Variants in SLC9B1 observed in about 807,000 individuals in gnomAD.
SLC9B1 encodes solute carrier family 9 member B1.
Under a neutral mutation model 51.7 loss-of-function variants are expected in SLC9B1, and 32 were observed. That is an observed-to-expected ratio of 0.62 (90% CI 0.47 to 0.83). The LOEUF (loss-of-function observed/expected upper bound fraction) is 0.83. Among genes scored for constraint, SLC9B1 ranks in the 40% least tolerant of loss-of-function variants. The pLI is 0.00. For missense variants in SLC9B1, 406 were observed against 613.2 expected, an observed-to-expected ratio of 0.66 and a Z score of 3.57; for synonymous variants, 145 against 212.7, an observed-to-expected ratio of 0.68 and a Z score of 2.77.
intron 11 of SLC9B1, chr4:102,890,582 T>TTTA (rs1392208127): frequency 6.6e-6 from 1 of 152,134 alleles, no homozygotes; most frequent in Admixed American, 6.6e-5. Flanking sequence ...ACGACACACC[T>TTTA]GTAATCTCAG....
intron 7 of SLC9B1, among the ~76,000 whole-genome samples, chr4:102,926,525 G>A (rs1736186695): frequency 6.6e-6 from 1 of 152,184 alleles, no homozygotes; most frequent in Non-Finnish European, 1.5e-5. Flanking sequence ...AAATACCTAG[G>A]AATCCAACTT....
intron 3 of SLC9B1, among the ~76,000 whole-genome samples, chr4:102,974,911 T>C (rs1217516245): frequency 6.6e-6 from 1 of 152,230 alleles, no homozygotes; most frequent in East Asian, 1.9e-4. Context: ...TAATAGTAAA[T>C]CTAGTAATGT....
chr4:102,995,325 T>C (rs1157481460), intron 1 of SLC9B1, among the ~76,000 whole-genome samples: 2 of 152,176 alleles, frequency 1.3e-5, no homozygotes, highest in African/African-American at 2.4e-5. Flanking sequence ...GATCATATTA[T>C]AGAGATCAAG....
In SLC9B1 at chr4:102,919,896, C is replaced by T. The variant is rs377261547; in HGVS notation, c.830-8359G>A. The stretch of plus-strand genomic sequence containing the variant: ...CTGAGGCTTAAGTAGGTAAACAAAG[C>T]GGCTGGGAAGCTTGAACTGGGTGGA... On this transcript the variant is annotated intron_variant, in intron 7 of 11. Coordinates refer to ENST00000296422, the MANE Select transcript of SLC9B1 (RefSeq NM_139173.4). 5.9e-5 allele frequency among the ~76,000 whole-genome samples: 9 copies of T among 152,322 alleles called. No homozygotes were observed. The East Asian group carries it at 1.2e-3, about 20-fold the overall frequency.
At chr4:102,974,738 T>C (rs1199855296) in intron 3 of SLC9B1, among the ~76,000 whole-genome samples, 4 of 152,164 alleles carry the variant, frequency 2.6e-5, no homozygotes, top group African/African-American at 9.7e-5. Context: ...AACATATAAA[T>C]AACCACTATC....
chr4:103,010,846 G>T (rs1741052865), intron 1 of SLC9B1, among the ~76,000 whole-genome samples: 1 of 152,156 alleles, frequency 6.6e-6, no homozygotes, highest in South Asian at 2.1e-4. Flanking sequence ...TTGCATTGGG[G>T]ATTAAGTTTC....
intron 1 of SLC9B1, among the ~76,000 whole-genome samples, chr4:102,995,794 A>T (rs1740184061): frequency 1.3e-5 from 2 of 152,270 alleles, no homozygotes; most frequent in African/African-American, 4.8e-5. Flanking sequence ...TCCTTATCTG[A>T]AAAAATATAT....
At chr4:103,017,860 T>C (rs1741470154) in intron 1 of SLC9B1, among the ~76,000 whole-genome samples, 1 of 152,216 alleles carries the variant, frequency 6.6e-6, no homozygotes, top group African/African-American at 2.4e-5. Flanking sequence ...AAACAACGCC[T>C]GACAAAGTAG....
At chr4:102,975,580 A>ATTTTTTTTTT (rs1739017034) in intron 3 of SLC9B1, among the ~76,000 whole-genome samples, 1 of 83,480 alleles carries the variant, frequency 1.2e-5, no homozygotes, top group African/African-American at 5.4e-5. Context: ...ATATATATAT[A>ATTTTTTTTTT]TATATATTTT....
At chr4:103,015,841 G>A (rs998664645) in intron 1 of SLC9B1, among the ~76,000 whole-genome samples, 15 of 151,886 alleles carry the variant, frequency 9.9e-5, no homozygotes, top group African/African-American at 3.6e-4. Context: ...GAAATTATAC[G>A]TTCATGTGGT....
intron 1 of SLC9B1, among the ~76,000 whole-genome samples, chr4:103,001,504 T>C (rs965891294): frequency 6.6e-6 from 1 of 152,214 alleles, no homozygotes; most frequent in Admixed American, 6.5e-5. Flanking sequence ...TCCACAGACC[T>C]CTAGGGCAGG....
At chr4:102,962,451 A>G (rs113295653) in intron 3 of SLC9B1, 59,023 of 513,542 alleles carry the variant, frequency 0.11, 3,683 homozygotes, top group Admixed American at 0.16. Flanking sequence ...TAGAAAATAC[A>G]GAGCATTTTT....
chr4:102,905,233 A>ATTTATTTATTTATTTG (rs569004930), intron 11 of SLC9B1, among the ~76,000 whole-genome samples: 26 of 149,584 alleles, frequency 1.7e-4, no homozygotes, highest in African/African-American at 5.8e-4. Context: ...TTATTTATTT[A>ATTTATTTATTTATTTG]TTTTTTTGAG....
intron 7 of SLC9B1, among the ~76,000 whole-genome samples, chr4:102,912,324 T>C (rs1447164955): frequency 2.0e-5 from 3 of 152,026 alleles, no homozygotes; most frequent in Non-Finnish European, 4.4e-5. Flanking sequence ...TGTTCCAGGG[T>C]CAGTCCTAGA....
At position 102,906,560 on chromosome 4, in the gene SLC9B1, A is replaced by C. The variant is rs775578557; in HGVS notation, c.1171T>G (p.Ser391Ala). ...CCAACAATATTTGATTCAAGCGATG[A>C]AACAGATACTTCTGCTCCAACTAAA... ...FGLVGAEVSV[S>A]SLESNIVGIS... Residue 391 changes from serine (S) to alanine (A), a missense_variant, in exon 10 of 12, where the codon TCA becomes GCA. Physicochemically the swap from Ser to Ala is moderately conservative, Grantham distance 99. Transcript: ENST00000296422. The C allele has an allele frequency of 1.3e-6, 2 of 1,572,686 alleles. No homozygotes were observed. The highest frequency in any genetic ancestry group is 8.6e-7 in the Non-Finnish European group (1 of 1,162,340).
chr4:103,001,320 C>A (rs188324792), intron 1 of SLC9B1, among the ~76,000 whole-genome samples: 150 of 152,336 alleles, frequency 9.8e-4, no homozygotes, highest in Non-Finnish European at 1.0e-4. Context: ...TCATTACTTA[C>A]GCAAATGTCT....
intron 3 of SLC9B1, among the ~76,000 whole-genome samples, chr4:102,971,800 AG>A (rs1578391406): frequency 6.6e-6 from 1 of 152,350 alleles, no homozygotes; most frequent in East Asian, 1.9e-4. Context: ...AAAATGATAA[AG>A]GGGATATCAC....
chr4:103,013,725 C>T (rs1389607696), intron 1 of SLC9B1, among the ~76,000 whole-genome samples: 1 of 152,206 alleles, frequency 6.6e-6, no homozygotes, highest in Non-Finnish European at 1.5e-5. Context: ...GAGAATGAAG[C>T]CACCATCGAC....
intron 6 of SLC9B1, among the ~76,000 whole-genome samples, chr4:102,935,350 G>T (rs1439782664): frequency 1.3e-5 from 2 of 152,122 alleles, no homozygotes; most frequent in Non-Finnish European, 2.9e-5. Flanking sequence ...TCAAGGATTT[G>T]CAAGGATTTT....
Sources: allele counts gnomAD v4.1 joint callset (sites outside exome capture counted in the v4.1 genomes callset), GRCh38; gene constraint gnomAD v4.1.1; transcripts MANE v1.5; gene names NCBI Gene and HGNC (gene_info 2026-07-23, HGNC 2026-07-21).